The following TTC28 variants were observed in gnomAD, a reference collection of about 807,000 sequenced individuals.
The protein encoded by TTC28 is tetratricopeptide repeat domain 28.
A neutral mutation model predicts 198.0 loss-of-function variants in TTC28; 61 were observed. The observed-to-expected ratio is 0.31, with a 90% CI of 0.25 to 0.38. TTC28 has a LOEUF of 0.38. TTC28 is among the 10% of genes least tolerant of loss of function. TTC28 has a pLI of 1.00. For missense variants in TTC28, 2,678 were observed against 3,164.0 expected (o/e 0.85, Z 3.69); for synonymous variants, 1,171 against 1,297.8 (o/e 0.90, Z 2.10).
chr22:28,530,747 C>T (rs1406204348), intron 2 of TTC28, among the ~76,000 whole-genome samples: 1 of 152,074 alleles, frequency 6.6e-6, no homozygotes, highest in Admixed American at 6.6e-5. Flanking sequence ...AGAGTGGGGG[C>T]CAATATTCAA....
chr22:28,633,948 C>T (rs1461406071), intron 1 of TTC28, among the ~76,000 whole-genome samples: 2 of 152,204 alleles, frequency 1.3e-5, no homozygotes, highest in Admixed American at 6.5e-5. Flanking sequence ...TTGCTCGAAA[C>T]ACTGATGTAA....
Position 28,679,751 on chromosome 22 carries a change from T to C in TTC28, c.-28A>G. 11 of 1,156,946 alleles carry C rather than the reference T, an allele frequency of 9.5e-6. No homozygotes were observed. Among genetic ancestry groups the C allele is most frequent in the Non-Finnish European group, 1.2e-5 (11 of 928,152 alleles). 71.7% of individuals were successfully genotyped at this position (1,156,946 alleles called of 1,614,324 possible). On this transcript the variant is annotated 5_prime_UTR_variant, in exon 1 of 23. Coordinates refer to ENST00000397906, the MANE Select transcript of TTC28 (RefSeq NM_001145418.2). ...CCACGGGGCCCGGGCCGCGTCCGCC[T>C]CGAGCTAACGGTCCCGCCAGCTAGG... is the stretch of plus-strand genomic sequence containing the variant.
chr22:28,278,828 T>A (rs915132632), intron 5 of TTC28, among the ~76,000 whole-genome samples: 17 of 152,366 alleles, frequency 1.1e-4, no homozygotes, highest in African/African-American at 3.1e-4. Flanking sequence ...ATTTTGGACA[T>A]CTAGTTGAAC....
intron 6 of TTC28, among the ~76,000 whole-genome samples, chr22:28,130,341 G>A (rs1248961264): frequency 2.6e-5 from 4 of 152,124 alleles, no homozygotes; most frequent in African/African-American, 4.8e-5. Flanking sequence ...ACAGTCTCTC[G>A]GGAGCTTGAG....
chr22:28,103,196 C>T (rs1185122405), intron 8 of TTC28, among the ~76,000 whole-genome samples: 2 of 152,194 alleles, frequency 1.3e-5, no homozygotes, highest in Non-Finnish European at 2.9e-5. Context: ...CTCTTAGGAA[C>T]CTGACTCACC....
chr22:28,055,053 C>A (rs1235235359), intron 12 of TTC28, among the ~76,000 whole-genome samples: 1 of 152,178 alleles, frequency 6.6e-6, no homozygotes, highest in African/African-American at 2.4e-5. Context: ...ATAAGTTCAG[C>A]AAGTCTGGCA....
At chr22:28,529,251 C>CAGG (rs58993277) in intron 2 of TTC28, among the ~76,000 whole-genome samples, 152,192 of 152,326 alleles carry the variant, frequency 1, 76,030 homozygotes, top group Middle Eastern at 1. Flanking sequence ...AATGGCACAC[C>CAGG]AGATTATATC....
intron 2 of TTC28, among the ~76,000 whole-genome samples, chr22:28,528,713 G>A (rs1417703461): frequency 7.1e-6 from 1 of 141,328 alleles, no homozygotes; most frequent in African/African-American, 2.6e-5. Flanking sequence ...TCCTGATTGG[G>A]CAACAGAGCA....
chr22:28,245,445 T>C (rs1346093499), intron 5 of TTC28, among the ~76,000 whole-genome samples: 1 of 152,134 alleles, frequency 6.6e-6, no homozygotes, highest in Non-Finnish European at 1.5e-5. Flanking sequence ...TATTAATGAT[T>C]TTCCCAGTTT....
chr22:28,600,023 G>A (rs1328854985), intron 2 of TTC28, among the ~76,000 whole-genome samples: 1 of 152,150 alleles, frequency 6.6e-6, no homozygotes, highest in East Asian at 1.9e-4. Flanking sequence ...AGTTTGATCA[G>A]CCAACATAGC....
intron 2 of TTC28, among the ~76,000 whole-genome samples, chr22:28,466,554 A>T (rs1171956945): frequency 6.6e-6 from 1 of 152,202 alleles, no homozygotes; most frequent in Admixed American, 6.5e-5. Flanking sequence ...ACTTGGCACT[A>T]AGACTAGCAA....
At chr22:28,567,467 TATAC>T (rs1315115259) in intron 2 of TTC28, among the ~76,000 whole-genome samples, 10 of 86,144 alleles carry the variant, frequency 1.2e-4, no homozygotes, top group Admixed American at 2.8e-4. Context: ...ACCACACGCA[TATAC>T]ATACATACAT....
chr22:28,618,198 C>T (rs1376287329), intron 2 of TTC28, among the ~76,000 whole-genome samples: 1 of 151,850 alleles, frequency 6.6e-6, no homozygotes, highest in Non-Finnish European at 1.5e-5. Flanking sequence ...TTGCTTGAAC[C>T]CAGAAGACAG....
At chr22:28,200,933 G>T (rs1002489571) in intron 5 of TTC28, among the ~76,000 whole-genome samples, 1 of 152,136 alleles carries the variant, frequency 6.6e-6, no homozygotes, top group African/African-American at 2.4e-5. Flanking sequence ...TATTTAAAAA[G>T]CACACTTACA....
intron 5 of TTC28, among the ~76,000 whole-genome samples, chr22:28,240,391 G>C (rs1292259888): frequency 6.6e-6 from 1 of 152,154 alleles, no homozygotes; most frequent in Non-Finnish European, 1.5e-5. Context: ...TATCTATAAG[G>C]ATTCACAATC....
chr22:28,472,552 AT>A (rs2048110632), intron 2 of TTC28, among the ~76,000 whole-genome samples: 1 of 114,726 alleles, frequency 8.7e-6, no homozygotes, highest in Non-Finnish European at 2.1e-5. Flanking sequence ...GAAAATGTGT[AT>A]GTGTGTGTGT....
chr22:28,391,036 G>C (rs1218801446), intron 2 of TTC28, among the ~76,000 whole-genome samples: 1 of 151,998 alleles, frequency 6.6e-6, no homozygotes, highest in Admixed American at 6.6e-5. Context: ...GGGCAGGCCT[G>C]GTGGTGACAA....
chr22:28,376,669 G>C (rs1275874050), intron 2 of TTC28, among the ~76,000 whole-genome samples: 6 of 152,194 alleles, frequency 3.9e-5, no homozygotes, highest in African/African-American at 1.4e-4. Flanking sequence ...CCAGCTCTGG[G>C]AAGGGGAAGC....
chr22:28,096,275 C>T lies in TTC28; in HGVS notation c.3681G>A (p.Glu1227=). 1.3e-6 allele frequency: 2 copies of T among 1,551,782 alleles called. No individual in the cohort carries two copies. The highest frequency in any genetic ancestry group is 1.2e-5 in the South Asian group (1 of 84,066). Residue 1227 remains glutamate, a synonymous_variant, in exon 11 of 23, where the codon GAG becomes GAA. Coordinates refer to ENST00000397906, the MANE Select transcript of TTC28 (RefSeq NM_001145418.2). ...YSPVTIDQIL[E]MVNGQRGLVL... The stretch of plus-strand genomic sequence containing the variant: ...CTAGTCCCCTCTGGCCATTTACCAT[C>T]TCTAAGATCTGATCAATAGTGACTG...
Sources: allele counts gnomAD v4.1 joint callset (sites outside exome capture counted in the v4.1 genomes callset), GRCh38; gene constraint gnomAD v4.1.1; transcripts MANE v1.5; gene names NCBI Gene and HGNC (gene_info 2026-07-23, HGNC 2026-07-21).